MAPK10: variants seen among roughly 807,000 people sequenced by gnomAD.
The protein encoded by MAPK10 is mitogen-activated protein kinase 10.
A neutral mutation model predicts 59.3 loss-of-function variants in MAPK10; 25 were observed. The ratio of observed to expected loss-of-function variants is 0.42; its 90% CI spans 0.31 to 0.59. MAPK10 has a LOEUF of 0.59. Ranked by LOEUF, MAPK10 falls within the 20% of genes least tolerant of loss-of-function variation. The pLI is 0.15. For synonymous variants in MAPK10, 190 were observed against 200.5 expected (o/e 0.95, Z 0.44); for missense variants, 351 against 568.9 (o/e 0.62, Z 3.90).
At chr4:86,207,262 T>C (rs1032691634) in intron 2 of MAPK10, among the ~76,000 whole-genome samples, 1 of 151,790 alleles carries the variant, frequency 6.6e-6, no homozygotes, top group African/African-American at 2.4e-5. Context: ...GCTTTCTACA[T>C]ATGGCTAGCC....
intron 11 of MAPK10, among the ~76,000 whole-genome samples, chr4:86,052,849 C>T (rs1000029376): frequency 1.1e-4 from 16 of 152,046 alleles, no homozygotes; most frequent in African/African-American, 3.9e-4. Context: ...CCATGCCTGG[C>T]TAATTTTTGT....
At chr4:86,393,335 G>GTTT (rs112022296) in intron 1 of MAPK10, among the ~76,000 whole-genome samples, 2 of 143,460 alleles carry the variant, frequency 1.4e-5, no homozygotes. Flanking sequence ...CAATGATCTA[G>GTTT]TTTTTTTTTT....
chr4:86,469,229 C>A (rs1752463526), intron 1 of MAPK10, among the ~76,000 whole-genome samples: 1 of 151,966 alleles, frequency 6.6e-6, no homozygotes. Context: ...GCCTGGGTGA[C>A]AAAGCAAGTT....
Position 86,101,897 on chromosome 4 carries a change from G to A in MAPK10, c.561C>T (p.His187=), listed in dbSNP as rs569869667. Residue 187 remains histidine, a synonymous_variant, in exon 7 of 14, where the codon CAC becomes CAT. Coordinates refer to ENST00000641462, the MANE Select transcript of MAPK10 (RefSeq NM_138982.4). Reference sequence around the variant, plus strand: ...ATCCTAGAGAAGGTGTTCTTACCCTGTGAATAATTCCAGCAGAATGGAGGT... The same window carrying A: ...ATCCTAGAGAAGGTGTTCTTACCCTATGAATAATTCCAGCAGAATGGAGGT... ...IKHLHSAGII[H]RDLKPSNIVV... 10 of 1,613,934 alleles carry A rather than the reference G, an allele frequency of 6.2e-6. No individual in the cohort carries two copies. The South Asian group carries it at 1.1e-4, about 18-fold the overall frequency.
At chr4:86,386,375 G>C (rs1741473026) in intron 1 of MAPK10, among the ~76,000 whole-genome samples, 1 of 152,186 alleles carries the variant, frequency 6.6e-6, no homozygotes, top group Non-Finnish European at 1.5e-5. Flanking sequence ...CCCACAGCAG[G>C]AAGTATCTCC....
At chr4:86,295,395 T>C (rs1214771628) in intron 2 of MAPK10, among the ~76,000 whole-genome samples, 3 of 152,112 alleles carry the variant, frequency 2.0e-5, no homozygotes, top group Non-Finnish European at 4.4e-5. Context: ...CCCAGCTTTA[T>C]TTTCCTGCGT....
intron 4 of MAPK10, among the ~76,000 whole-genome samples, chr4:86,135,007 A>G (rs1350670418): frequency 6.6e-6 from 1 of 152,190 alleles, no homozygotes; most frequent in Non-Finnish European, 1.5e-5. Context: ...CCACGAGATT[A>G]TATCCCGCAC....
intron 1 of MAPK10, among the ~76,000 whole-genome samples, chr4:86,492,274 C>G (rs1754523423): frequency 6.6e-6 from 1 of 152,152 alleles, no homozygotes; most frequent in African/African-American, 2.4e-5. Flanking sequence ...GCAGACAATT[C>G]AGTACAGGAA....
intron 1 of MAPK10, among the ~76,000 whole-genome samples, chr4:86,448,263 T>C (rs945848407): frequency 1.3e-5 from 2 of 152,160 alleles, no homozygotes; most frequent in East Asian, 1.9e-4. Flanking sequence ...ATGTAGCATA[T>C]ACATATTAAT....
intron 4 of MAPK10, among the ~76,000 whole-genome samples, chr4:86,157,965 A>C (rs1217708784): frequency 1.3e-5 from 2 of 151,940 alleles, no homozygotes; most frequent in African/African-American, 4.8e-5. Context: ...AATCTTAGTC[A>C]GGAAAACTTT....
chr4:86,174,465 CAG>C (rs2075200369), intron 3 of MAPK10, among the ~76,000 whole-genome samples: 1 of 152,106 alleles, frequency 6.6e-6, no homozygotes, highest in Middle Eastern at 3.4e-3. Flanking sequence ...TGGGACCTGT[CAG>C]GGGGGTGGTG....
At chr4:86,516,306 C>T (rs1027546224) in intron 1 of MAPK10, among the ~76,000 whole-genome samples, 2 of 152,070 alleles carry the variant, frequency 1.3e-5, no homozygotes, top group Non-Finnish European at 2.9e-5. Flanking sequence ...AGTTTGAAGT[C>T]GGGTAATGTG....
chr4:86,563,924 C>T (rs139038652), intron 1 of MAPK10, among the ~76,000 whole-genome samples: 14 of 152,224 alleles, frequency 9.2e-5, no homozygotes, highest in East Asian at 1.9e-4. Context: ...CTCCACCTTC[C>T]GTATTCAAGC....
chr4:86,090,873 T>C (rs1432655394), intron 9 of MAPK10: 1 of 152,176 alleles, frequency 6.6e-6, no homozygotes, highest in Non-Finnish European at 1.5e-5. Context: ...CATTAACCTG[T>C]CTGGGACTTA....
chr4:86,268,351 T>C (rs1240814970), intron 2 of MAPK10: 2 of 152,238 alleles, frequency 1.3e-5, no homozygotes, highest in African/African-American at 4.8e-5. Context: ...TTCACCTGAA[T>C]TCTTGCAAGA....
rs1336289662 is a variant in MAPK10 at position 86,010,412 on chromosome 4, A to T, written c.*6816T>A. The T allele has an allele frequency of 6.6e-6, 1 of 152,258 alleles. No individual in the cohort carries two copies. The highest frequency in any genetic ancestry group is 2.4e-5 in the African/African-American group (1 of 41,470). The allele number at this position is 152,258 out of a possible 1,614,324, so 9.4% of individuals were successfully genotyped here. A position where few individuals can be genotyped will look rare whatever the true frequency, so the allele number is the denominator to read the frequency against. Reference sequence around the variant, plus strand: ...TAAAAATATTTGCTTTAGTTTTTTTAAACAAAGATTTATTAACTCTGAATT... The same window carrying T: ...TAAAAATATTTGCTTTAGTTTTTTTTAACAAAGATTTATTAACTCTGAATT... On this transcript the variant is annotated 3_prime_UTR_variant, in exon 14 of 14. Coordinates refer to ENST00000641462, the MANE Select transcript of MAPK10 (RefSeq NM_138982.4).
At chr4:86,158,499 C>T (rs1045612962) in intron 4 of MAPK10, among the ~76,000 whole-genome samples, 32 of 151,664 alleles carry the variant, frequency 2.1e-4, no homozygotes, top group Middle Eastern at 3.4e-3. Flanking sequence ...AAATAAATAT[C>T]CTTTATAAAT....
At chr4:86,180,946 A>T (rs1401840624) in intron 3 of MAPK10, among the ~76,000 whole-genome samples, 1 of 152,118 alleles carries the variant, frequency 6.6e-6, no homozygotes, top group Non-Finnish European at 1.5e-5. Flanking sequence ...CTGTAGGGTG[A>T]CTATAGTTTA....
rs374548001 is a variant in MAPK10 at position 86,289,079 on chromosome 4, A to C, written c.-7+65451T>G. On this transcript the variant is annotated intron_variant, in intron 2 of 13. Coordinates refer to ENST00000641462, the MANE Select transcript of MAPK10 (RefSeq NM_138982.4). Reference sequence around the variant, plus strand: ...TATACACTGGTACAGAATTATATTTAGATAGAGTAGTCAGATATGGCCTCT... The same window carrying C: ...TATACACTGGTACAGAATTATATTTCGATAGAGTAGTCAGATATGGCCTCT... Among the ~76,000 whole-genome samples, 233 of 152,322 alleles carry C rather than the reference A, an allele frequency of 1.5e-3. 8 individuals are homozygous for C. The South Asian group carries it at 0.044, about 29-fold the overall frequency.
Sources: gnomAD v4.1 joint callset for allele counts (sites outside exome capture counted in the v4.1 genomes callset) on GRCh38, gnomAD v4.1.1 for gene constraint, MANE v1.5 for transcripts, NCBI Gene and HGNC (gene_info 2026-07-23, HGNC 2026-07-21) for gene names.